The following USH2A variants were observed in gnomAD, a reference collection of about 807,000 sequenced individuals.
The protein encoded by USH2A is Usher syndrome 2A (autosomal recessive, mild).
A neutral mutation model predicts 538.9 loss-of-function variants in USH2A; 443 were observed. That is an observed-to-expected ratio of 0.82 (90% CI 0.76 to 0.89). The LOEUF (loss-of-function observed/expected upper bound fraction) is 0.89, where lower values mean the gene tolerates loss of function less well. Ranked by LOEUF, USH2A falls within the 40% of genes least tolerant of loss-of-function variation. USH2A has a pLI of 0.00. For missense variants in USH2A, 6,633 were observed against 6,324.8 expected (o/e 1.05, Z -1.65); for synonymous variants, 2,413 against 2,273.5 (o/e 1.06, Z -1.75).
At chr1:215,654,974 A>C (rs934462804) in intron 64 of USH2A, among the ~76,000 whole-genome samples, 2 of 152,258 alleles carry the variant, frequency 1.3e-5, no homozygotes, top group African/African-American at 2.4e-5. Flanking sequence ...CTGTGAAAAC[A>C]ATGAATTTAA....
At chr1:215,802,038 T>A (rs78279084) in intron 49 of USH2A, among the ~76,000 whole-genome samples, 2 of 143,658 alleles carry the variant, frequency 1.4e-5, no homozygotes, top group East Asian at 2.0e-4. Flanking sequence ...TTTTTTTTTT[T>A]AAAGAATGTT....
rs1668046064 is a variant in USH2A, at chr1:215,993,160, G to GT, written c.6664dup (p.Thr2222AsnfsTer9). The GT allele has an allele frequency of 6.2e-7, 1 of 1,614,000 alleles. No individual in the cohort carries two copies. The highest frequency in any genetic ancestry group is 1.3e-5 in the African/African-American group (1 of 75,028). Reference sequence around the variant, plus strand: ...CTCACTCACTGTGCACCCACCACCTGTGCAAGCCTAAACAGAGATGCAAAA... The same window carrying GT: ...CTCACTCACTGTGCACCCACCACCTGTTGCAAGCCTAAACAGAGATGCAAAA... On this transcript the variant is annotated frameshift_variant, in exon 35 of 72. Coordinates refer to ENST00000307340, the MANE Select transcript of USH2A (RefSeq NM_206933.4). LOFTEE classifies it high-confidence loss of function.
chr1:215,898,828 G>T (rs776591031), intron 40 of USH2A, among the ~76,000 whole-genome samples: 7 of 152,186 alleles, frequency 4.6e-5, no homozygotes, highest in Non-Finnish European at 1.5e-5. Context: ...CAGAGTGTAT[G>T]TAATGTTCCT....
chr1:216,221,407 T>C (rs944364542), intron 14 of USH2A, among the ~76,000 whole-genome samples: 7 of 152,208 alleles, frequency 4.6e-5, no homozygotes, highest in Non-Finnish European at 8.8e-5. Flanking sequence ...AGCTTCTTAG[T>C]TTCGCTTTAG....
At chr1:216,076,279 T>C (rs1451290566) in intron 27 of USH2A, among the ~76,000 whole-genome samples, 2 of 152,240 alleles carry the variant, frequency 1.3e-5, no homozygotes, top group East Asian at 3.8e-4. Context: ...ACCACTGATA[T>C]GGATGATACT....
intron 50 of USH2A, among the ~76,000 whole-genome samples, chr1:215,795,521 T>C (rs1328008661): frequency 2.0e-5 from 3 of 152,198 alleles, no homozygotes; most frequent in Non-Finnish European, 4.4e-5. Flanking sequence ...TAATACATAT[T>C]TAACAAAGGA....
Position 215,631,846 on chromosome 1 carries a change from C to G in USH2A, c.15297+2613G>C, listed in dbSNP as rs980183026. Among the ~76,000 whole-genome samples the G allele has an allele frequency of 1.3e-4, 20 of 152,142 alleles. No individual in the cohort carries two copies. In the East Asian group the frequency reaches 3.9e-3, roughly 29 times the overall value. On this transcript the variant is annotated intron_variant, in intron 70 of 71. Coordinates refer to ENST00000307340, the MANE Select transcript of USH2A (RefSeq NM_206933.4). ...TGTGCAGGAACAGGGTGTTTACATT[C>G]TTTTGTCCGCTTTTCTCAGCTGAAG...
intron 21 of USH2A, among the ~76,000 whole-genome samples, chr1:216,152,804 C>G (rs988498414): frequency 6.6e-6 from 1 of 152,206 alleles, no homozygotes; most frequent in South Asian, 2.1e-4. Flanking sequence ...TGGAAACCCA[C>G]AGCCCTAAAT....
chr1:216,258,913 T>C (rs1341053396), intron 11 of USH2A, among the ~76,000 whole-genome samples: 1 of 152,104 alleles, frequency 6.6e-6, no homozygotes, highest in African/African-American at 2.4e-5. Flanking sequence ...TTTCAGGAGC[T>C]GCATCATAGA....
At chr1:215,805,460 A>T (rs1024863456) in intron 49 of USH2A, among the ~76,000 whole-genome samples, 2 of 152,026 alleles carry the variant, frequency 1.3e-5, no homozygotes, top group Non-Finnish European at 2.9e-5. Flanking sequence ...TGCTTAATGG[A>T]AACAGAGTCT....
rs2036053669 is a variant in USH2A, at chr1:216,246,708, G to A, written c.2686C>T (p.His896Tyr). 3 of 1,614,002 alleles carry A rather than the reference G, an allele frequency of 1.9e-6. No homozygotes were observed. Among genetic ancestry groups the A allele is most frequent in the African/African-American group, 1.3e-5 (1 of 74,914 alleles). The change falls in exon 13 of 72, where the codon CAC (histidine) becomes TAC (tyrosine). Residue 896 changes from histidine to tyrosine, a missense_variant. Physicochemically the swap from His to Tyr is moderately conservative, Grantham distance 83. Transcript: ENST00000307340. ...GAATCACACTCACACATCTGGCAGT[G>A]TTGAAAATTGTCAATGGTCAAATTG... ...RYNLTIDNFQHCQMCECDSLG... is the reference protein window; with the variant it reads ...RYNLTIDNFQYCQMCECDSLG...
chr1:216,302,403 T>C lies in USH2A; in HGVS notation c.1645-10033A>G, dbSNP rs111854287. Among the ~76,000 whole-genome samples the C allele has an allele frequency of 8.2e-3, 1,247 of 152,300 alleles. 19 individuals carry two copies. Among genetic ancestry groups the C allele is most frequent in the African/African-American group, 0.029 (1,200 of 41,572 alleles). On this transcript the variant is annotated intron_variant, in intron 9 of 71. Coordinates refer to ENST00000307340, the MANE Select transcript of USH2A (RefSeq NM_206933.4). ...TTACCTACAGATTATGTAATTTCAA[T>C]TGGAAAAGCCAAAACAAATACTATT...
chr1:215,902,825 T>C (rs12046356), intron 38 of USH2A, among the ~76,000 whole-genome samples: 74,878 of 151,930 alleles, frequency 0.49, 19,118 homozygotes, highest in East Asian at 0.68. Context: ...ATTCTGGTTG[T>C]GTTTAAGGAA....
chr1:216,135,944 G>GTATA (rs144362360), intron 21 of USH2A, among the ~76,000 whole-genome samples: 14 of 150,218 alleles, frequency 9.3e-5, no homozygotes, highest in South Asian at 4.3e-4. Flanking sequence ...TTCATTAAAA[G>GTATA]TATATATATA....
intron 41 of USH2A, among the ~76,000 whole-genome samples, chr1:215,883,478 C>T (rs1664971113): frequency 6.6e-6 from 1 of 151,084 alleles, no homozygotes; most frequent in Non-Finnish European, 1.5e-5. Context: ...AGAAAGTGCT[C>T]CCCTACATTT....
chr1:216,126,267 A>G (rs1419353008), intron 21 of USH2A, among the ~76,000 whole-genome samples: 1 of 152,166 alleles, frequency 6.6e-6, no homozygotes, highest in Non-Finnish European at 1.5e-5. Context: ...TCTGTCACCC[A>G]GGTTGGAGTG....
intron 53 of USH2A, among the ~76,000 whole-genome samples, chr1:215,782,414 T>A (rs1661669829): frequency 6.6e-6 from 1 of 152,184 alleles, no homozygotes; most frequent in African/African-American, 2.4e-5. Context: ...GTTTATTTCC[T>A]TTCACTATGA....
At chr1:215,856,265 G>A (rs1378828889) in intron 44 of USH2A, among the ~76,000 whole-genome samples, 1 of 152,208 alleles carries the variant, frequency 6.6e-6, no homozygotes, top group Non-Finnish European at 1.5e-5. Context: ...CAGAGTGGGA[G>A]ACAGTCTTAA....
chr1:215,858,632 G>A (rs1398249449), intron 44 of USH2A, among the ~76,000 whole-genome samples: 1 of 151,528 alleles, frequency 6.6e-6, no homozygotes, highest in East Asian at 1.9e-4. Context: ...TTATAGCAAT[G>A]TGAGAACAGA....
Sources: gnomAD v4.1 joint callset for allele counts (sites outside exome capture counted in the v4.1 genomes callset) on GRCh38, gnomAD v4.1.1 for gene constraint, MANE v1.5 for transcripts, NCBI Gene and HGNC (gene_info 2026-07-23, HGNC 2026-07-21) for gene names.